The following UNC13B variants were observed in gnomAD, a reference collection of about 807,000 sequenced individuals.
UNC13B encodes unc-13 homolog B, also known as protein unc-13 homolog B.
Under a neutral mutation model 211.0 loss-of-function variants are expected in UNC13B, and 144 were observed. The observed-to-expected ratio is 0.68, with a 90% CI of 0.60 to 0.78. The LOEUF (loss-of-function observed/expected upper bound fraction) is 0.78. Among genes scored for constraint, UNC13B ranks in the 30% least tolerant of loss-of-function variants. The probability of loss-of-function intolerance (pLI) is 0.00; values close to 1 mark genes in which losing one functional copy is unlikely to be tolerated. For synonymous variants in UNC13B, 709 were observed against 725.8 expected, an observed-to-expected ratio of 0.98 and a Z score of 0.37; for missense variants, 1,777 against 2,002.0, an observed-to-expected ratio of 0.89 and a Z score of 2.14.
chr9:35,192,463 T>G lies in UNC13B; in HGVS notation c.22+30158T>G, dbSNP rs778516960. On this transcript the variant is annotated intron_variant, in intron 1 of 39. Coordinates refer to ENST00000635942, the MANE Select transcript of UNC13B (RefSeq NM_001371189.2). ...TTAGAAGCAGCATAACATCCCTTCA[T>G]GAGAGGTTAAACACCTGAGTTAAAT... 1.8e-4 allele frequency among the ~76,000 whole-genome samples: 27 copies of G among 152,230 alleles called. 1 individual carries two copies. Among genetic ancestry groups the G allele is most frequent in the Non-Finnish European group, 2.4e-4 (16 of 68,044 alleles).
intron 1 of UNC13B, among the ~76,000 whole-genome samples, chr9:35,219,084 TG>T (rs1270557140): frequency 1.3e-5 from 2 of 152,200 alleles, no homozygotes; most frequent in Non-Finnish European, 2.9e-5. Flanking sequence ...GTTAAGGAAC[TG>T]GGTGAGAATC....
intron 1 of UNC13B, among the ~76,000 whole-genome samples, chr9:35,179,562 A>T (rs140016927): frequency 5.3e-4 from 81 of 152,228 alleles, no homozygotes; most frequent in Non-Finnish European, 1.1e-3. Flanking sequence ...AGGCTGAGGC[A>T]TGTGCATAGC....
intron 6 of UNC13B, among the ~76,000 whole-genome samples, chr9:35,244,516 C>T (rs1350342133): frequency 6.6e-6 from 1 of 152,130 alleles, no homozygotes; most frequent in African/African-American, 2.4e-5. Flanking sequence ...AGTTCAGCTC[C>T]GTCTAGAGGC....
intron 36 of UNC13B, among the ~76,000 whole-genome samples, chr9:35,399,989 T>C (rs544749361): frequency 6.6e-6 from 1 of 152,312 alleles, no homozygotes; most frequent in South Asian, 2.1e-4. Context: ...TCAAGTTCTC[T>C]AAGGTTCAGA....
At chr9:35,267,792 A>G (rs1161776415) in intron 7 of UNC13B, among the ~76,000 whole-genome samples, 2 of 152,020 alleles carry the variant, frequency 1.3e-5, no homozygotes, top group Non-Finnish European at 2.9e-5. Context: ...CTCTGGTTCA[A>G]CTTCTTTTGT....
intron 7 of UNC13B, among the ~76,000 whole-genome samples, chr9:35,262,955 T>C (rs538334970): frequency 6.6e-6 from 1 of 151,976 alleles, no homozygotes; most frequent in Non-Finnish European, 1.5e-5. Flanking sequence ...ACCAAACCAA[T>C]ACAAAAACAA....
rs369460026 is a variant in UNC13B, at chr9:35,243,287, G to A, written c.395-4G>A. ...TTTTCTTTTTCTTCTTTTTTTTATG[G>A]TAGATATCCCAGAGGAGGAAGCCAG... On this transcript the variant is annotated splice_region_variant and splice_polypyrimidine_tract_variant and intron_variant, in intron 5 of 39. Transcript: ENST00000635942. The A allele has an allele frequency of 3.9e-5, 63 of 1,612,340 alleles. No homozygotes were observed. Among genetic ancestry groups the A allele is most frequent in the Non-Finnish European group, 5.0e-5 (59 of 1,179,110 alleles).
At chr9:35,179,779 GAGTA>G (rs1447720372) in intron 1 of UNC13B, among the ~76,000 whole-genome samples, 2 of 152,164 alleles carry the variant, frequency 1.3e-5, no homozygotes, top group African/African-American at 4.8e-5. Context: ...CTGGGTGACA[GAGTA>G]AGACTCTGTT....
intron 11 of UNC13B, among the ~76,000 whole-genome samples, chr9:35,350,561 A>C (rs1832654466): frequency 1.3e-5 from 2 of 152,132 alleles, no homozygotes; most frequent in African/African-American, 4.8e-5. Flanking sequence ...GCTAAGCCTA[A>C]ACCTCCTTCA....
intron 7 of UNC13B, among the ~76,000 whole-genome samples, chr9:35,281,870 G>A (rs982876270): frequency 6.6e-6 from 1 of 152,292 alleles, no homozygotes; most frequent in South Asian, 2.1e-4. Context: ...GAAAAAGCAT[G>A]ACTTAAGGTA....
chr9:35,236,700 T>C, intron 4 of UNC13B, 114 bp downstream of exon 4: 1 of 980,664 alleles, frequency 1.0e-6, no homozygotes, highest in Non-Finnish European at 1.6e-6. Flanking sequence ...CTTCCCCCTT[T>C]CTAATTAGAG....
intron 1 of UNC13B, among the ~76,000 whole-genome samples, chr9:35,218,681 G>A (rs1319780908): frequency 6.6e-6 from 1 of 151,902 alleles, no homozygotes; most frequent in Non-Finnish European, 1.5e-5. Context: ...ATAGCCGTGA[G>A]CCACCGCGTC....
intron 1 of UNC13B, among the ~76,000 whole-genome samples, chr9:35,173,820 G>A (rs1308591075): frequency 1.3e-5 from 2 of 152,142 alleles, no homozygotes; most frequent in African/African-American, 4.8e-5. Flanking sequence ...AAAAGCTTTG[G>A]TTTTAGACAG....
chr9:35,232,288 T>G (rs1825264223), intron 3 of UNC13B, among the ~76,000 whole-genome samples: 1 of 149,254 alleles, frequency 6.7e-6, no homozygotes, highest in African/African-American at 2.5e-5. Context: ...TTGAGCGATC[T>G]TCTTGCCTTA....
At chr9:35,211,737 A>G (rs1823977646) in intron 1 of UNC13B, among the ~76,000 whole-genome samples, 1 of 152,196 alleles carries the variant, frequency 6.6e-6, no homozygotes, top group Non-Finnish European at 1.5e-5. Context: ...GTCCCTCATC[A>G]TTACGGCTTA....
At chr9:35,215,273 C>T (rs1044427907) in intron 1 of UNC13B, among the ~76,000 whole-genome samples, 30 of 152,074 alleles carry the variant, frequency 2.0e-4, no homozygotes, top group African/African-American at 7.2e-4. Context: ...TGTGGTGGCA[C>T]ACGCCTGTAA....
At chr9:35,309,787 T>A (rs1420621886) in intron 9 of UNC13B, among the ~76,000 whole-genome samples, 1 of 152,218 alleles carries the variant, frequency 6.6e-6, no homozygotes, top group Non-Finnish European at 1.5e-5. Flanking sequence ...CAGTTACAGA[T>A]GTTCATCTTT....
At chr9:35,392,136 T>G (rs900703764) in intron 26 of UNC13B, among the ~76,000 whole-genome samples, 3 of 152,198 alleles carry the variant, frequency 2.0e-5, no homozygotes, top group African/African-American at 4.8e-5. Flanking sequence ...ATAGCATCTG[T>G]TTCTTTGAAC....
chr9:35,172,068 A>G (rs763737858), intron 1 of UNC13B, among the ~76,000 whole-genome samples: 80 of 151,366 alleles, frequency 5.3e-4, no homozygotes, highest in Non-Finnish European at 8.7e-4. Flanking sequence ...GGGTCTCACT[A>G]TGCTGTCCAG....
Sources: allele counts gnomAD v4.1 joint callset (sites outside exome capture counted in the v4.1 genomes callset), GRCh38; gene constraint gnomAD v4.1.1; transcripts MANE v1.5; gene names NCBI Gene and HGNC (gene_info 2026-07-23, HGNC 2026-07-21).